DGKB: variants seen among roughly 807,000 people sequenced by gnomAD.
DGKB encodes diacylglycerol kinase beta.
Under a neutral mutation model 114.3 loss-of-function variants are expected in DGKB, and 67 were observed. That is an observed-to-expected ratio of 0.59 (90% confidence interval 0.48 to 0.72). DGKB has a LOEUF of 0.72. Among genes scored for constraint, DGKB ranks in the 30% least tolerant of loss-of-function variants. The pLI is 0.00. For synonymous variants in DGKB, 398 were observed against 323.1 expected (o/e 1.23, Z -2.49); for missense variants, 907 against 975.2 (o/e 0.93, Z 0.93).
intron 21 of DGKB, among the ~76,000 whole-genome samples, chr7:14,474,488 C>A (rs1200002653): frequency 2.0e-5 from 3 of 152,138 alleles, no homozygotes; most frequent in South Asian, 2.1e-4. Flanking sequence ...TAACTGGTTC[C>A]ATTTTGCAAG....
At chr7:14,169,798 C>A (rs1451972462) in intron 25 of DGKB, among the ~76,000 whole-genome samples, 2 of 151,986 alleles carry the variant, frequency 1.3e-5, no homozygotes, top group African/African-American at 4.8e-5. Context: ...AAGGGATTTT[C>A]TGTTTTAAAT....
chr7:14,713,797 T>C (rs1015068598), intron 6 of DGKB, among the ~76,000 whole-genome samples: 1 of 152,128 alleles, frequency 6.6e-6, no homozygotes, highest in African/African-American at 2.4e-5. Flanking sequence ...ATCTACTTTC[T>C]GAATATTGAT....
chr7:14,483,457 T>C (rs969591652), intron 20 of DGKB, among the ~76,000 whole-genome samples: 1 of 152,156 alleles, frequency 6.6e-6, no homozygotes, highest in Non-Finnish European at 1.5e-5. Flanking sequence ...TAGATCAGAT[T>C]TTCTACTTAA....
intron 21 of DGKB, among the ~76,000 whole-genome samples, chr7:14,477,120 G>T (rs765100083): frequency 2.0e-5 from 3 of 152,132 alleles, no homozygotes; most frequent in Non-Finnish European, 4.4e-5. Context: ...TTGCTGTGAT[G>T]ATTTATGCAT....
At chr7:14,910,303 AAAGAAAGAAAG>A (rs1256087272) in intron 1 of DGKB, among the ~76,000 whole-genome samples, 28 of 131,296 alleles carry the variant, frequency 2.1e-4, no homozygotes, top group African/African-American at 7.2e-4. Context: ...AGAAAGAAAG[AAAGAAAGAAAG>A]AACCTTATAT....
At chr7:14,208,949 C>A (rs1306295509) in intron 23 of DGKB, 1 of 151,366 alleles carries the variant, frequency 6.6e-6, no homozygotes, top group Non-Finnish European at 1.5e-5. Context: ...TCTTTCCACT[C>A]CATCTCTTAA....
intron 23 of DGKB, among the ~76,000 whole-genome samples, chr7:14,294,957 A>G (rs994847672): frequency 6.6e-6 from 1 of 152,168 alleles, no homozygotes; most frequent in Non-Finnish European, 1.5e-5. Flanking sequence ...TAAATTAGAA[A>G]GGTTCCCGAA....
chr7:14,851,617 C>A (rs967766188), intron 1 of DGKB, among the ~76,000 whole-genome samples: 1 of 152,154 alleles, frequency 6.6e-6, no homozygotes, highest in Non-Finnish European at 1.5e-5. Flanking sequence ...TGGCTTCTCC[C>A]CTTGCACTTA....
At chr7:14,577,638 T>C (rs1799360835) in intron 19 of DGKB, among the ~76,000 whole-genome samples, 1 of 151,966 alleles carries the variant, frequency 6.6e-6, no homozygotes, top group African/African-American at 2.4e-5. Context: ...GTGTGTCCAA[T>C]TTACAACTAT....
At chr7:14,632,856 C>G (rs562971009) in intron 13 of DGKB, among the ~76,000 whole-genome samples, 1 of 151,932 alleles carries the variant, frequency 6.6e-6, no homozygotes, top group South Asian at 2.1e-4. Context: ...TCAATTAGAG[C>G]AGAAGCCCTT....
intron 23 of DGKB, among the ~76,000 whole-genome samples, chr7:14,326,927 ACTCT>A (rs1211465540): frequency 1.3e-5 from 2 of 151,840 alleles, no homozygotes; most frequent in East Asian, 1.9e-4. Context: ...ACACACATAC[ACTCT>A]CTATTACAAC....
intron 20 of DGKB, among the ~76,000 whole-genome samples, chr7:14,548,246 G>T (rs924298021): frequency 4.6e-5 from 7 of 152,166 alleles, no homozygotes; most frequent in African/African-American, 1.7e-4. Flanking sequence ...AGGCACACTT[G>T]AATAACTTAC....
At chr7:14,700,202 T>A (rs970133114) in intron 7 of DGKB, among the ~76,000 whole-genome samples, 25 of 146,484 alleles carry the variant, frequency 1.7e-4, no homozygotes, top group African/African-American at 4.5e-4. Flanking sequence ...ATAATAGCAT[T>A]TGAAAAAAAA....
chr7:14,714,858 G>A (rs1456482242), intron 6 of DGKB, among the ~76,000 whole-genome samples: 1 of 152,140 alleles, frequency 6.6e-6, no homozygotes, highest in African/African-American at 2.4e-5. Context: ...TTGAAAGGAT[G>A]GGCAACCAAA....
intron 13 of DGKB, among the ~76,000 whole-genome samples, chr7:14,633,749 G>C (rs1360127659): frequency 6.6e-6 from 1 of 151,472 alleles, no homozygotes; most frequent in Non-Finnish European, 1.5e-5. Flanking sequence ...TCCAATGTGA[G>C]GTGTGACTAC....
rs541862806 is a variant in DGKB, at chr7:14,968,977, C to A, written c.-188+5719G>T. On this transcript the variant is annotated intron_variant, in intron 1 of 4. Transcript: ENST00000437998. ...ATATAAGAGAGTCCATTCACTTTTG[C>A]AGAATTCATCTTACTGGTTTTCCAG... is the stretch of plus-strand genomic sequence containing the variant. 1.8e-4 allele frequency among the ~76,000 whole-genome samples: 27 copies of A among 152,186 alleles called. No individual in the cohort carries two copies. The South Asian group carries it at 5.4e-3, about 30-fold the overall frequency.
intron 15 of DGKB, among the ~76,000 whole-genome samples, chr7:14,616,270 C>G (rs11972450): frequency 3.5e-3 from 524 of 148,782 alleles, no homozygotes; most frequent in African/African-American, 0.012. Flanking sequence ...TAACAGAAAA[C>G]TAATATGATT....
intron 21 of DGKB, among the ~76,000 whole-genome samples, chr7:14,472,436 C>A (rs982329983): frequency 6.6e-6 from 1 of 152,176 alleles, no homozygotes; most frequent in Non-Finnish European, 1.5e-5. Flanking sequence ...GCTTTCCCAG[C>A]CATGTGGAAC....
At chr7:14,619,005 T>TC (rs1807093515) in intron 15 of DGKB, among the ~76,000 whole-genome samples, 1 of 151,602 alleles carries the variant, frequency 6.6e-6, no homozygotes, top group South Asian at 2.1e-4. Context: ...TACTATTTTT[T>TC]CATTTTGCAT....
Sources: gnomAD v4.1 joint callset for allele counts (sites outside exome capture counted in the v4.1 genomes callset) on GRCh38, gnomAD v4.1.1 for gene constraint, MANE v1.5 for transcripts, NCBI Gene and HGNC (gene_info 2026-07-23, HGNC 2026-07-21) for gene names.